Variants in LDB2 observed in about 807,000 individuals in gnomAD.
The protein encoded by LDB2 is LIM domain-binding protein 2.
Under a neutral mutation model 44.3 loss-of-function variants are expected in LDB2, and 12 were observed. The ratio of observed to expected loss-of-function variants is 0.27; its 90% CI spans 0.17 to 0.44. LDB2 has a LOEUF of 0.44. Ranked by LOEUF, LDB2 falls within the 20% of genes least tolerant of loss-of-function variation. LDB2 has a pLI of 1.00. For missense variants in LDB2, 344 were observed against 473.5 expected (o/e 0.73, Z 2.54); for synonymous variants, 164 against 174.8 (o/e 0.94, Z 0.49).
intron 1 of LDB2, among the ~76,000 whole-genome samples, chr4:16,839,553 G>A (rs1376709590): frequency 6.6e-6 from 1 of 152,166 alleles, no homozygotes; most frequent in African/African-American, 2.4e-5. Flanking sequence ...CCAGTTTGGT[G>A]GTGATGATCC....
chr4:16,629,239 A>G (rs1328668461), intron 2 of LDB2, among the ~76,000 whole-genome samples: 2 of 152,172 alleles, frequency 1.3e-5, no homozygotes, highest in African/African-American at 4.8e-5. Context: ...TCAGACTTAA[A>G]CGTCCCTGCC....
At chr4:16,642,825 A>T (rs2152512304) in intron 2 of LDB2, among the ~76,000 whole-genome samples, 1 of 152,374 alleles carries the variant, frequency 6.6e-6, no homozygotes, top group Admixed American at 6.5e-5. Flanking sequence ...AGCAGTGAAT[A>T]GACATTGGAC....
chr4:16,840,379 G>A (rs191980762), intron 1 of LDB2, among the ~76,000 whole-genome samples: 1 of 152,260 alleles, frequency 6.6e-6, no homozygotes, highest in Admixed American at 6.5e-5. Context: ...TTTTATCAAT[G>A]AACCTAATCA....
At chr4:16,850,840 G>A (rs374696846) in intron 1 of LDB2, among the ~76,000 whole-genome samples, 5 of 152,222 alleles carry the variant, frequency 3.3e-5, no homozygotes, top group East Asian at 3.9e-4. Flanking sequence ...ACATCCAAAT[G>A]GGAATTTCCA....
chr4:16,774,155 A>G, intron 1 of LDB2, among the ~76,000 whole-genome samples: 1 of 26,028 alleles, frequency 3.8e-5, no homozygotes. Context: ...CTCCGTCTCA[A>G]AAAAAAAAAA....
At chr4:16,604,549 C>T (rs997550348) in intron 2 of LDB2, among the ~76,000 whole-genome samples, 5 of 149,488 alleles carry the variant, frequency 3.3e-5, no homozygotes, top group African/African-American at 1.2e-4. Context: ...ATATGTATAA[C>T]AGAACTTTCA....
At chr4:16,762,719 C>T (rs1768205293) in intron 1 of LDB2, among the ~76,000 whole-genome samples, 1 of 152,094 alleles carries the variant, frequency 6.6e-6, no homozygotes, top group African/African-American at 2.4e-5. Flanking sequence ...CACAGCCAAA[C>T]CATATCATCC....
intron 2 of LDB2, among the ~76,000 whole-genome samples, chr4:16,687,024 G>GA (rs1358505484): frequency 1.3e-5 from 2 of 151,048 alleles, no homozygotes; most frequent in Non-Finnish European, 2.9e-5. Context: ...GAATGCTTGA[G>GA]AATATATATT....
chr4:16,633,752 G>GA (rs762704309), intron 2 of LDB2, among the ~76,000 whole-genome samples: 1 of 152,122 alleles, frequency 6.6e-6, no homozygotes, highest in Non-Finnish European at 1.5e-5. Context: ...CACAGAACTG[G>GA]AAAAAACTAT....
chr4:16,831,111 G>T (rs1783980268), intron 1 of LDB2, among the ~76,000 whole-genome samples: 1 of 150,686 alleles, frequency 6.6e-6, no homozygotes, highest in Non-Finnish European at 1.5e-5. Context: ...GACTGACATG[G>T]ATTTAGATCC....
chr4:16,888,350 G>A (rs1257223420), intron 1 of LDB2, among the ~76,000 whole-genome samples: 1 of 152,192 alleles, frequency 6.6e-6, no homozygotes, highest in Non-Finnish European at 1.5e-5. Flanking sequence ...ACAAAACGGA[G>A]TACACATGGT....
At chr4:16,668,440 C>T (rs927626910) in intron 2 of LDB2, among the ~76,000 whole-genome samples, 2 of 152,190 alleles carry the variant, frequency 1.3e-5, no homozygotes, top group East Asian at 1.9e-4. Context: ...CCTGCTGTCT[C>T]CCAAGCTAAG....
Position 16,737,693 on chromosome 4 carries a change from G to A in LDB2, c.235+21465C>T, listed in dbSNP as rs115823013. On this transcript the variant is annotated intron_variant, in intron 2 of 7. Transcript: ENST00000304523. ...CAAAGATAAAGACATGTTGCACAGTGCATACAGAATGTTTCTGATTCTGTA... is the reference window on the plus strand; with the variant it reads ...CAAAGATAAAGACATGTTGCACAGTACATACAGAATGTTTCTGATTCTGTA... Among the ~76,000 whole-genome samples, 308 of 152,268 alleles carry A rather than the reference G, an allele frequency of 2.0e-3. 3 individuals are homozygous for A. The highest frequency in any genetic ancestry group is 3.0e-3 in the Non-Finnish European group (201 of 68,002).
chr4:16,819,688 A>G (rs1455303309), intron 1 of LDB2, among the ~76,000 whole-genome samples: 2 of 152,202 alleles, frequency 1.3e-5, no homozygotes, highest in Non-Finnish European at 2.9e-5. Context: ...CACAAGTGTG[A>G]GCAATATCAT....
chr4:16,797,028 A>G (rs1579752202), intron 1 of LDB2, among the ~76,000 whole-genome samples: 1 of 152,202 alleles, frequency 6.6e-6, no homozygotes, highest in East Asian at 1.9e-4. Flanking sequence ...AATATTATGA[A>G]AAAACTGAAG....
intron 2 of LDB2, among the ~76,000 whole-genome samples, chr4:16,692,280 G>T (rs973964189): frequency 6.6e-6 from 1 of 152,162 alleles, no homozygotes; most frequent in African/African-American, 2.4e-5. Context: ...ATGCCCAGAG[G>T]CTATAAAGCA....
intron 2 of LDB2, among the ~76,000 whole-genome samples, chr4:16,643,201 G>C (rs1398295468): frequency 2.0e-5 from 3 of 149,206 alleles, no homozygotes; most frequent in Non-Finnish European, 1.5e-5. Context: ...GGTGGGGGGG[G>C]CACTTTTTCC....
chr4:16,609,088 A>G (rs566389235), intron 2 of LDB2, among the ~76,000 whole-genome samples: 1 of 152,190 alleles, frequency 6.6e-6, no homozygotes, highest in East Asian at 1.9e-4. Flanking sequence ...GACTGGTGTG[A>G]CCCATGGAGA....
intron 5 of LDB2, among the ~76,000 whole-genome samples, chr4:16,581,650 T>TA (rs1359663344): frequency 6.6e-6 from 1 of 152,126 alleles, no homozygotes; most frequent in African/African-American, 2.4e-5. Context: ...GATGATCACC[T>TA]ACTCAACTTT....
Sources: allele counts gnomAD v4.1 joint callset (sites outside exome capture counted in the v4.1 genomes callset), GRCh38; gene constraint gnomAD v4.1.1; transcripts MANE v1.5; gene names NCBI Gene and HGNC (gene_info 2026-07-23, HGNC 2026-07-21).